Variants in NEK11 observed in about 807,000 individuals in gnomAD.
NEK11 encodes the protein NIMA related kinase 11.
A neutral mutation model predicts 80.7 loss-of-function variants in NEK11; 72 were observed. The ratio of observed to expected loss-of-function variants is 0.89; its 90% confidence interval spans 0.74 to 1.08. The LOEUF is 1.08. Among genes scored for constraint, NEK11 ranks in the 50% least tolerant of loss-of-function variants. The probability of loss-of-function intolerance (pLI) is 0.00; values close to 1 mark genes in which losing one functional copy is unlikely to be tolerated. For synonymous variants in NEK11, 251 were observed against 260.7 expected (o/e 0.96, Z 0.36); for missense variants, 764 against 763.6 (o/e 1.00, Z -0.01).
intron 17 of NEK11, among the ~76,000 whole-genome samples, chr3:131,340,732 G>A (rs2097271312): frequency 7.2e-5 from 11 of 152,126 alleles, no homozygotes; most frequent in Admixed American, 7.2e-4. Flanking sequence ...AGCCCAACGA[G>A]CACTGTCCTG....
intron 4 of NEK11, among the ~76,000 whole-genome samples, chr3:131,084,064 CAA>C (rs1009948131): frequency 1.3e-5 from 2 of 152,144 alleles, no homozygotes; most frequent in African/African-American, 4.8e-5. Flanking sequence ...CTCTCATAAT[CAA>C]AGTTTCCAAT....
intron 4 of NEK11, among the ~76,000 whole-genome samples, chr3:131,090,875 C>T (rs2076639063): frequency 6.6e-6 from 1 of 152,182 alleles, no homozygotes; most frequent in South Asian, 2.1e-4. Flanking sequence ...AATGCTCTTC[C>T]CACTCCACGC....
At chr3:131,041,506 C>CTG (rs139789153) in intron 3 of NEK11, among the ~76,000 whole-genome samples, 42 of 151,316 alleles carry the variant, frequency 2.8e-4, no homozygotes, top group African/African-American at 7.5e-4. Flanking sequence ...CATAAAAACT[C>CTG]TGTGTGTGTG....
intron 17 of NEK11, among the ~76,000 whole-genome samples, chr3:131,327,971 C>T (rs2097000044): frequency 6.6e-6 from 1 of 152,122 alleles, no homozygotes; most frequent in Non-Finnish European, 1.5e-5. Flanking sequence ...GCATGTGGCA[C>T]ATACTAAGTG....
At chr3:131,157,046 A>G (rs1393688079) in intron 10 of NEK11, among the ~76,000 whole-genome samples, 1 of 152,088 alleles carries the variant, frequency 6.6e-6, no homozygotes, top group Non-Finnish European at 1.5e-5. Context: ...TCAATGGGAC[A>G]CCAAAACTCA....
At chr3:131,130,638 A>G (rs2084256523) in intron 5 of NEK11, among the ~76,000 whole-genome samples, 1 of 152,076 alleles carries the variant, frequency 6.6e-6, no homozygotes, top group African/African-American at 2.4e-5. Context: ...GGATTTTGTC[A>G]ATTGCTTTTT....
intron 5 of NEK11, among the ~76,000 whole-genome samples, chr3:131,119,438 T>C (rs968399206): frequency 6.6e-6 from 1 of 152,226 alleles, no homozygotes; most frequent in African/African-American, 2.4e-5. Flanking sequence ...GAGAAGAATG[T>C]ATATTCCGTT....
intron 17 of NEK11, among the ~76,000 whole-genome samples, chr3:131,346,008 G>C (rs1462041184): frequency 3.3e-5 from 5 of 151,312 alleles, no homozygotes; most frequent in African/African-American, 1.2e-4. Context: ...GATAGAGAAT[G>C]AAACAACGGT....
At chr3:131,323,064 C>T (rs2096913004) in intron 17 of NEK11, among the ~76,000 whole-genome samples, 1 of 152,168 alleles carries the variant, frequency 6.6e-6, no homozygotes, top group South Asian at 2.1e-4. Context: ...CATCTCATTC[C>T]ATCAGACCTA....
intron 16 of NEK11, among the ~76,000 whole-genome samples, chr3:131,253,287 T>C (rs552248794): frequency 1.7e-4 from 26 of 152,222 alleles, no homozygotes; most frequent in Non-Finnish European, 3.1e-4. Flanking sequence ...GCCCCTCATT[T>C]ACAAAACGCT....
chr3:131,278,502 G>A (rs2096340244), intron 17 of NEK11, among the ~76,000 whole-genome samples: 1 of 152,194 alleles, frequency 6.6e-6, no homozygotes, highest in Admixed American at 6.5e-5. Context: ...TGGTCCTCCT[G>A]AAACTTCTGC....
intron 16 of NEK11, among the ~76,000 whole-genome samples, chr3:131,262,375 A>G (rs976904739): frequency 6.6e-6 from 1 of 152,070 alleles, no homozygotes; most frequent in African/African-American, 2.4e-5. Flanking sequence ...TACACAAATA[A>G]TTTTTTTAAC....
chr3:131,200,533 T>C (rs2094188349), intron 14 of NEK11, among the ~76,000 whole-genome samples: 1 of 152,246 alleles, frequency 6.6e-6, no homozygotes, highest in Admixed American at 6.5e-5. Flanking sequence ...AACAGTCCTA[T>C]AGACAATTGT....
At chr3:131,337,462 T>A (rs1344627455) in intron 17 of NEK11, among the ~76,000 whole-genome samples, 1 of 150,602 alleles carries the variant, frequency 6.6e-6, no homozygotes, top group Admixed American at 6.6e-5. Context: ...CTGGGGACTG[T>A]TGTGGGGTGG....
intron 17 of NEK11, among the ~76,000 whole-genome samples, chr3:131,309,393 T>C (rs2096754834): frequency 6.6e-6 from 1 of 152,194 alleles, no homozygotes; most frequent in Admixed American, 6.5e-5. Flanking sequence ...ATCATTGGCA[T>C]AGAGTCATTT....
chr3:131,296,170 C>G (rs2096591134), intron 17 of NEK11, among the ~76,000 whole-genome samples: 1 of 152,100 alleles, frequency 6.6e-6, no homozygotes, highest in Non-Finnish European at 1.5e-5. Flanking sequence ...CATTATACCA[C>G]TTCATAGGTA....
chr3:131,042,538 G>C (rs536382687), intron 3 of NEK11, among the ~76,000 whole-genome samples: 2 of 152,254 alleles, frequency 1.3e-5, no homozygotes, highest in South Asian at 4.2e-4. Context: ...CCACAAAGCC[G>C]CTGTAGCCAG....
chr3:131,061,892 C>G (rs1433901156), intron 3 of NEK11, among the ~76,000 whole-genome samples: 1 of 152,164 alleles, frequency 6.6e-6, no homozygotes, highest in Non-Finnish European at 1.5e-5. Context: ...CCACAGTGGC[C>G]TTCTTGAGGC....
At chr3:131,303,548 G>A (rs1272148809) in intron 17 of NEK11, among the ~76,000 whole-genome samples, 1 of 152,140 alleles carries the variant, frequency 6.6e-6, no homozygotes, top group Admixed American at 6.5e-5. Flanking sequence ...CTTAGAATTT[G>A]CTTGTCTTAA....
Sources: gnomAD v4.1 joint callset for allele counts (sites outside exome capture counted in the v4.1 genomes callset) on GRCh38, gnomAD v4.1.1 for gene constraint, MANE v1.5 for transcripts, NCBI Gene and HGNC (gene_info 2026-07-23, HGNC 2026-07-21) for gene names.